The following SEC61A2 variants were observed in gnomAD, a reference collection of about 807,000 sequenced individuals.
SEC61A2 encodes the protein SEC61 translocon subunit alpha 2.
SEC61A2 carries 28 observed loss-of-function variants against 59.9 expected under a neutral mutation model. That is an observed-to-expected ratio of 0.47 (90% CI 0.35 to 0.64). SEC61A2 has a LOEUF of 0.64. Among genes scored for constraint, SEC61A2 ranks in the 30% least tolerant of loss-of-function variants. The pLI, the probability that SEC61A2 is intolerant of heterozygous loss-of-function variation, is 0.01. For synonymous variants in SEC61A2, 202 were observed against 214.4 expected (o/e 0.94, Z 0.50); for missense variants, 340 against 585.9 (o/e 0.58, Z 4.33).
chr10:12,161,168 T>C lies in SEC61A2; in HGVS notation c.1167+47T>C, dbSNP rs1834517034. The stretch of plus-strand genomic sequence containing the variant: ...AAATAAAACTCTTGGCAATGCATGG[T>C]GGCGCACATCTGTAATCGTAGCACT... On this transcript the variant is annotated intron_variant, in intron 10 of 11. Coordinates refer to ENST00000298428, the MANE Select transcript of SEC61A2 (RefSeq NM_018144.4). The surrounding 1 kb of genome is among the most constrained non-coding windows in gnomAD (Gnocchi z 5.4). The C allele has an allele frequency of 6.8e-7, 1 of 1,462,662 alleles. No individual in the cohort carries two copies. The highest frequency in any genetic ancestry group is 9.4e-7 in the Non-Finnish European group (1 of 1,066,780). The allele number at this position is 1,462,662 out of a possible 1,614,324, so 90.6% of individuals were successfully genotyped here. A position where few individuals can be genotyped will look rare whatever the true frequency, so the allele number is the denominator to read the frequency against.
chr10:12,165,116 G>T lies in SEC61A2; in HGVS notation c.*662G>T, dbSNP rs985550270. 4 of 985,284 alleles carry T rather than the reference G, an allele frequency of 4.1e-6. No homozygotes were observed. The African/African-American group carries it at 5.3e-5, about 13-fold the overall frequency. 61.0% of individuals were successfully genotyped at this position (985,284 alleles called of 1,614,324 possible). The stretch of plus-strand genomic sequence containing the variant: ...CTCTCTTCCCAGTGACAGCATCATC[G>T]TGCTGTTTGCCTGTATTGGCTATGC... On this transcript the variant is annotated 3_prime_UTR_variant, in exon 12 of 12. Transcript: ENST00000298428.
At chr10:12,150,837 C>T (rs1162678241) in intron 6 of SEC61A2, among the ~76,000 whole-genome samples, 3 of 150,818 alleles carry the variant, frequency 2.0e-5, no homozygotes, top group African/African-American at 4.9e-5. Flanking sequence ...TGCAGTGGCA[C>T]AATCTCAGCT....
chr10:12,151,368 G>C (rs934950680), intron 6 of SEC61A2, among the ~76,000 whole-genome samples: 1 of 149,016 alleles, frequency 6.7e-6, no homozygotes, highest in Non-Finnish European at 1.5e-5. Context: ...CTGAAGTGCA[G>C]TGGCACGATC....
rs1430323290 is a variant in SEC61A2, at chr10:12,152,481, C to T, written c.462+2520C>T. Among the ~76,000 whole-genome samples, 1 of 152,192 alleles carries T rather than the reference C, an allele frequency of 6.6e-6. No individual in the cohort carries two copies. The highest frequency in any genetic ancestry group is 1.9e-4 in the East Asian group (1 of 5,192). The stretch of plus-strand genomic sequence containing the variant: ...ATACGTTTCCTTAAAGAATAACTGT[C>T]AGATGTGGTGGCTCACACCTGTAAT... On this transcript the variant is annotated intron_variant, in intron 6 of 11. Coordinates refer to ENST00000298428, the MANE Select transcript of SEC61A2 (RefSeq NM_018144.4). This position sits in a 1 kb window ranked among gnomAD's most constrained non-coding sequence, Gnocchi z 5.5.
chr10:12,133,626 G>A (rs777528247), intron 2 of SEC61A2, among the ~76,000 whole-genome samples: 1 of 152,212 alleles, frequency 6.6e-6, no homozygotes, highest in Non-Finnish European at 1.5e-5. Context: ...GTAGTATTGG[G>A]TGTGTATTGT....
Position 12,149,171 on chromosome 10 carries a change from C to CCT in SEC61A2, c.221-421_221-420dup, listed in dbSNP as rs1834220737. On this transcript the variant is annotated intron_variant, in intron 4 of 11. Transcript: ENST00000298428. The surrounding 1 kb of genome is among the most constrained non-coding windows in gnomAD (Gnocchi z 5.2). ...GTGGCGCAATCTCGGCTTACTGCAA[C>CCT]CTCTGCCTTCCAGGTTTAAGCGATT... Among the ~76,000 whole-genome samples, 1 of 151,970 alleles carries CCT rather than the reference C, an allele frequency of 6.6e-6. No individual in the cohort carries two copies. The highest frequency in any genetic ancestry group is 6.6e-5 in the Admixed American group (1 of 15,254).
In SEC61A2 at chr10:12,153,487, C is replaced by G. The variant is rs1320263732; in HGVS notation, c.463-2291C>G. Among the ~76,000 whole-genome samples, 1 of 152,164 alleles carries G rather than the reference C, an allele frequency of 6.6e-6. No individual in the cohort carries two copies. On this transcript the variant is annotated intron_variant, in intron 6 of 11. Transcript: ENST00000298428. This position sits in a 1 kb window ranked among gnomAD's most constrained non-coding sequence, Gnocchi z 5.2. ...AGCTAGCTACAGGATTGACTTCTTA[C>G]AGAGTCAGTTATGGATTGAAATTGA...
chr10:12,161,252 A>G lies in SEC61A2; in HGVS notation c.1167+131A>G. 1 of 660,296 alleles carries G rather than the reference A, an allele frequency of 1.5e-6. No individual in the cohort carries two copies. 40.9% of individuals were successfully genotyped at this position (660,296 alleles called of 1,614,324 possible). A position where few individuals can be genotyped will look rare whatever the true frequency, so the allele number is the denominator to read the frequency against. On this transcript the variant is annotated intron_variant, in intron 10 of 11. Transcript: ENST00000298428. The surrounding 1 kb of genome is among the most constrained non-coding windows in gnomAD (Gnocchi z 5.4). ...CAGGAGTTTTGAGACCAGCCTGGGC[A>G]ACATAGCGAGACCCCGTCATGACTA... is the stretch of plus-strand genomic sequence containing the variant.
rs193268101 is a variant in SEC61A2 at position 12,139,047 on chromosome 10, C to T, written c.141+2877C>T. On this transcript the variant is annotated intron_variant, in intron 3 of 11. Coordinates refer to ENST00000298428, the MANE Select transcript of SEC61A2 (RefSeq NM_018144.4). ...CACGATTTCGGCTCACCGCAAGCTC[C>T]GCCTCCCGGGTTCAAGCGATTCTCC... is the stretch of plus-strand genomic sequence containing the variant. 2.6e-3 allele frequency among the ~76,000 whole-genome samples: 399 copies of T among 152,222 alleles called. 1 individual carries two copies. The highest frequency in any genetic ancestry group is 9.2e-3 in the African/African-American group (382 of 41,554).
Position 12,152,799 on chromosome 10 carries a change from C to T in SEC61A2, c.462+2838C>T, listed in dbSNP as rs534184163. On this transcript the variant is annotated intron_variant, in intron 6 of 11. Coordinates refer to ENST00000298428, the MANE Select transcript of SEC61A2 (RefSeq NM_018144.4). This position sits in a 1 kb window ranked among gnomAD's most constrained non-coding sequence, Gnocchi z 5.5. ...TCCCAGCTATTTGGGAGGCTGAGGC[C>T]GAACCCAGGAGGCGGAGGTTGCAGT... Among the ~76,000 whole-genome samples, 14 of 151,912 alleles carry T rather than the reference C, an allele frequency of 9.2e-5. No homozygotes were observed. Among genetic ancestry groups the T allele is most frequent in the East Asian group, 3.9e-4 (2 of 5,160 alleles).
intron 2 of SEC61A2, among the ~76,000 whole-genome samples, 171 bp from the exon 3 acceptor site, chr10:12,135,934 G>A (rs1833872076): frequency 6.6e-6 from 1 of 152,208 alleles, no homozygotes; most frequent in Non-Finnish European, 1.5e-5. Flanking sequence ...AGAAAAAAAT[G>A]TTTGTAAAAC....
rs1386779762 is a variant in SEC61A2 at position 12,158,705 on chromosome 10, G to A, written c.975+600G>A. ...AGATCACGCCACTGCACTCCAGCCTGGGCGACAGAACGAGACTCCGTCTCC... is the reference window on the plus strand; with the variant it reads ...AGATCACGCCACTGCACTCCAGCCTAGGCGACAGAACGAGACTCCGTCTCC... On this transcript the variant is annotated intron_variant, in intron 9 of 11. Coordinates refer to ENST00000298428, the MANE Select transcript of SEC61A2 (RefSeq NM_018144.4). The surrounding 1 kb of genome is among the most constrained non-coding windows in gnomAD (Gnocchi z 5.7). Among the ~76,000 whole-genome samples, 2 of 152,158 alleles carry A rather than the reference G, an allele frequency of 1.3e-5. No homozygotes were observed. Among genetic ancestry groups the A allele is most frequent in the Middle Eastern group, 6.8e-3 (2 of 294 alleles).
At chr10:12,167,692 A>C, downstream of SEC61A2, 1 of 1,613,720 alleles carries the variant, frequency 6.2e-7, no homozygotes, top group Non-Finnish European at 8.5e-7. Flanking sequence ...GGCCAGTGTC[A>C]TATTTGGGCT....
At position 12,155,432 on chromosome 10, in the gene SEC61A2, C is replaced by A. The variant is rs111582632; in HGVS notation, c.463-346C>A. 2 of 1,283,858 alleles carry A rather than the reference C, an allele frequency of 1.6e-6. No individual in the cohort carries two copies. Among genetic ancestry groups the A allele is most frequent in the Non-Finnish European group, 2.1e-6 (2 of 942,324 alleles). The allele number at this position is 1,283,858 out of a possible 1,614,324, so 79.5% of individuals were successfully genotyped here. A position where few individuals can be genotyped will look rare whatever the true frequency, so the allele number is the denominator to read the frequency against. On this transcript the variant is annotated intron_variant, in intron 6 of 11. Coordinates refer to ENST00000298428, the MANE Select transcript of SEC61A2 (RefSeq NM_018144.4). This position sits in a 1 kb window ranked among gnomAD's most constrained non-coding sequence, Gnocchi z 4.3. The stretch of plus-strand genomic sequence containing the variant: ...TATTTGGGATGTTTTCAGTTTCTTG[C>A]TGTCATAAATTCTAGAATACTGTGA...
downstream of SEC61A2, chr10:12,167,953 A>G (rs985619057): frequency 1.3e-5 from 18 of 1,398,110 alleles, no homozygotes; most frequent in Non-Finnish European, 1.5e-5. Context: ...TTTGGTCTAT[A>G]AGGATCTTAA....
downstream of SEC61A2, chr10:12,168,013 C>T (rs970349513): frequency 4.1e-6 from 4 of 976,880 alleles, no homozygotes; most frequent in African/African-American, 7.1e-5. This position sits in a 1 kb window ranked among gnomAD's most constrained non-coding sequence, Gnocchi z 4.8. Flanking sequence ...GAGACAAGAA[C>T]ATCAGGGATA....
chr10:12,131,707 T>G (rs1833742134), intron 1 of SEC61A2, among the ~76,000 whole-genome samples: 1 of 134,932 alleles, frequency 7.4e-6, no homozygotes, highest in African/African-American at 2.8e-5. Context: ...TTTTTTTTTT[T>G]TTTGAGACGG....
chr10:12,129,786 C>A lies in SEC61A2; in HGVS notation c.-2C>A. 35 of 1,474,112 alleles carry A rather than the reference C, an allele frequency of 2.4e-5. No individual in the cohort carries two copies. The highest frequency in any genetic ancestry group is 3.1e-5 in the Non-Finnish European group (35 of 1,115,350). The allele number at this position is 1,474,112 out of a possible 1,614,324, so 91.3% of individuals were successfully genotyped here. A position where few individuals can be genotyped will look rare whatever the true frequency, so the allele number is the denominator to read the frequency against. On this transcript the variant is annotated 5_prime_UTR_variant, in exon 1 of 12. Transcript: ENST00000298428. This position sits in a 1 kb window ranked among gnomAD's most constrained non-coding sequence, Gnocchi z 5.6. ...TCCCCCTGGGCCTCCCCAGCAGCAG[C>A]CATGGGCAGTGAGTAGCGGCGGCTG... is the stretch of plus-strand genomic sequence containing the variant.
Position 12,155,903 on chromosome 10 carries a change from T to C in SEC61A2, c.588T>C (p.Phe196=). The change falls in exon 7 of 12, where the codon TTT becomes TTC. Residue 196 remains phenylalanine (F), a synonymous_variant. Transcript: ENST00000298428. This position sits in a 1 kb window ranked among gnomAD's most constrained non-coding sequence, Gnocchi z 4.3. ...NICETIVWKA[F]SPTTINTGRG... ...GTGAGACCATTGTCTGGAAGGCCTTTAGTCCCACTACCATTAACACTGGCA... is the reference window on the plus strand; with the variant it reads ...GTGAGACCATTGTCTGGAAGGCCTTCAGTCCCACTACCATTAACACTGGCA... The C allele has an allele frequency of 1.9e-6, 3 of 1,614,244 alleles. No homozygotes were observed. The highest frequency in any genetic ancestry group is 1.1e-5 in the South Asian group (1 of 91,086).
Sources: gnomAD v4.1 joint callset for allele counts (sites outside exome capture counted in the v4.1 genomes callset) on GRCh38, gnomAD v4.1.1 for gene constraint, Gnocchi (gnomAD v3.1) non-coding constraint, MANE v1.5 for transcripts, NCBI Gene and HGNC (gene_info 2026-07-23, HGNC 2026-07-21) for gene names.